Variants in TDRKH observed in about 807,000 individuals in gnomAD.
TDRKH encodes tudor and KH domain containing.
TDRKH carries 28 observed loss-of-function variants against 61.3 expected under a neutral mutation model. That is an observed-to-expected ratio of 0.46 (90% confidence interval 0.34 to 0.63). TDRKH has a LOEUF of 0.63. TDRKH is among the 20% of genes least tolerant of loss of function. TDRKH has a pLI of 0.01. For missense variants in TDRKH, 540 were observed against 683.4 expected (o/e 0.79, Z 2.34); for synonymous variants, 219 against 244.4 (o/e 0.90, Z 0.97).
rs962127753 is a variant in TDRKH at position 151,790,486 on chromosome 1, A to C, written c.-134T>G. The C allele has an allele frequency of 6.6e-6, 1 of 151,944 alleles. No homozygotes were observed. Among genetic ancestry groups the C allele is most frequent in the African/African-American group, 2.4e-5 (1 of 41,126 alleles). 9.4% of individuals were successfully genotyped at this position (151,944 alleles called of 1,614,324 possible). On this transcript the variant is annotated 5_prime_UTR_variant, in exon 1 of 13. Coordinates refer to ENST00000368824, the MANE Select transcript of TDRKH (RefSeq NM_001083965.2). Reference sequence around the variant, plus strand: ...ACCAGCGCCGCCGCCTCCCACTCACACCACCACAGTGAGCCCCGCCGGCGG... The same window carrying C: ...ACCAGCGCCGCCGCCTCCCACTCACCCCACCACAGTGAGCCCCGCCGGCGG...
downstream of TDRKH, chr1:151,767,836 C>CAGT: frequency 6.9e-6 from 4 of 583,570 alleles, no homozygotes; most frequent in South Asian, 9.5e-5. Flanking sequence ...AGTCAACAGG[C>CAGT]AGTAATACTG....
chr1:151,768,173 G>C (rs781042462), downstream of TDRKH: 9 of 1,614,004 alleles, frequency 5.6e-6, no homozygotes, highest in Non-Finnish European at 7.6e-6. Flanking sequence ...GGCCTTCTCT[G>C]TGACCGTCGA....
At chr1:151,771,923 C>A (rs1441914118), downstream of TDRKH, 2 of 398,448 alleles carry the variant, frequency 5.0e-6, no homozygotes, top group Admixed American at 4.4e-5. Flanking sequence ...AGGTTCCCTA[C>A]GGAACTCTGG....
At position 151,776,113 on chromosome 1, in the gene TDRKH, C is replaced by T; in HGVS notation, c.1200G>A (p.Lys400=). Residue 400 remains lysine (K), a synonymous_variant, in exon 8 of 13, where the codon AAG becomes AAA. Coordinates refer to ENST00000368824, the MANE Select transcript of TDRKH (RefSeq NM_001083965.2). ...DFGDNGDCPL[K]DLRALRSDFL... ...GCACTGACCTGAGAGCCCTGAGGTC[C>T]TTCAGTGGGCAATCTCCATTATCTC... 6.2e-7 allele frequency: 1 copy of T among 1,613,662 alleles called. No homozygotes were observed. The highest frequency in any genetic ancestry group is 1.1e-5 in the South Asian group (1 of 91,012).
At chr1:151,789,254 ATTGAG>A (rs1261380801) in intron 1 of TDRKH, among the ~76,000 whole-genome samples, 1 of 152,206 alleles carries the variant, frequency 6.6e-6, no homozygotes, top group African/African-American at 2.4e-5. Context: ...ATTTGTGCTA[ATTGAG>A]TTATCAGCTG....
At chr1:151,783,812 G>C (rs1184939518) in intron 1 of TDRKH, 1 of 152,152 alleles carries the variant, frequency 6.6e-6, no homozygotes, top group African/African-American at 2.4e-5. Context: ...CACATATGTG[G>C]GTTCAATTAC....
intron 3 of TDRKH, among the ~76,000 whole-genome samples, chr1:151,780,677 T>A (rs1571998493): frequency 6.6e-6 from 1 of 151,972 alleles, no homozygotes; most frequent in Non-Finnish European, 1.5e-5. Flanking sequence ...GGTGAAACCC[T>A]GTCTCTACAA....
intron 3 of TDRKH, among the ~76,000 whole-genome samples, chr1:151,781,030 T>C (rs1245892877): frequency 1.3e-5 from 2 of 151,424 alleles, no homozygotes; most frequent in African/African-American, 2.4e-5. Context: ...AAAATATACA[T>C]AGTGGTTGGG....
At position 151,776,189 on chromosome 1, in the gene TDRKH, A is replaced by G. The variant is rs748615235; in HGVS notation, c.1124T>C (p.Val375Ala). 2 of 1,614,108 alleles carry G rather than the reference A, an allele frequency of 1.2e-6. No individual in the cohort carries two copies. Among genetic ancestry groups the G allele is most frequent in the Non-Finnish European group, 1.7e-6 (2 of 1,180,016 alleles). ...PTNGSWYRARVLGTLENGNLD... is the reference protein window; with the variant it reads ...PTNGSWYRARALGTLENGNLD... ...GTTCCCATTCTCCAAGGTGCCGAGGACCCGGGCTCGATACCAGGAACCATT... is the reference window on the plus strand; with the variant it reads ...GTTCCCATTCTCCAAGGTGCCGAGGGCCCGGGCTCGATACCAGGAACCATT... The change falls in exon 8 of 13, where the codon GTC becomes GCC. Residue 375 changes from valine to alanine, a missense_variant. Val to Ala is a moderately conservative substitution (Grantham distance 64, BLOSUM62 0). Coordinates refer to ENST00000368824, the MANE Select transcript of TDRKH (RefSeq NM_001083965.2).
downstream of TDRKH, chr1:151,770,639 A>C (rs1378047475): frequency 4.0e-6 from 1 of 247,580 alleles, no homozygotes; most frequent in African/African-American, 2.3e-5. Flanking sequence ...CATATGTTAC[A>C]GAAACTATAG....
At chr1:151,785,090 C>T (rs954937448) in intron 1 of TDRKH, among the ~76,000 whole-genome samples, 2 of 152,090 alleles carry the variant, frequency 1.3e-5, no homozygotes, top group Admixed American at 1.3e-4. Context: ...TGCCACCATG[C>T]CCGGCTAATT....
rs763676270 is a variant in TDRKH, at chr1:151,774,822, C to T, written c.1537-16G>A. 2 of 1,611,034 alleles carry T rather than the reference C, an allele frequency of 1.2e-6. No individual in the cohort carries two copies. The highest frequency in any genetic ancestry group is 2.7e-5 in the African/African-American group (2 of 74,608). ...TTTCTGTGGCCTGAGTGGATGAAAA[C>T]AGGAAAAAAGGAGGAACATGTTGGC... On this transcript the variant is annotated splice_polypyrimidine_tract_variant and intron_variant, in intron 11 of 12. Transcript: ENST00000368824.
At chr1:151,776,338 GA>G (rs1649176606) in intron 7 of TDRKH, 70 bp from the exon 8 acceptor site, 1 of 1,593,758 alleles carries the variant, frequency 6.3e-7, no homozygotes, top group South Asian at 1.1e-5. Context: ...ATTGCAGGAG[GA>G]AGAAAGAAAA....
rs1240946827 is a variant in TDRKH at position 151,781,397 on chromosome 1, T to C, written c.231+84A>G. 10 of 1,017,682 alleles carry C rather than the reference T, an allele frequency of 9.8e-6. No homozygotes were observed. In the East Asian group the frequency reaches 2.5e-4, roughly 25 times the overall value. The allele number at this position is 1,017,682 out of a possible 1,614,324, so 63.0% of individuals were successfully genotyped here. A position where few individuals can be genotyped will look rare whatever the true frequency, so the allele number is the denominator to read the frequency against. On this transcript the variant is annotated intron_variant, in intron 3 of 12. Transcript: ENST00000368824. ...ACACACAGAGCATGTGAATGTTTTG[T>C]GATATGGGGTCAGTGGAAGGAAACA...
chr1:151,766,606 C>A, downstream of TDRKH: 29 of 1,200,758 alleles, frequency 2.4e-5, no homozygotes, highest in Non-Finnish European at 3.3e-5. Flanking sequence ...GACATAAGGG[C>A]TGACCCCTTA....
In TDRKH at chr1:151,773,502, A is replaced by C. The variant is rs1169387041; in HGVS notation, c.*950T>G. The C allele has an allele frequency of 6.6e-6, 1 of 152,610 alleles. No individual in the cohort carries two copies. The highest frequency in any genetic ancestry group is 6.5e-5 in the Admixed American group (1 of 15,290). The allele number at this position is 152,610 out of a possible 1,614,324, so 9.5% of individuals were successfully genotyped here. The stretch of plus-strand genomic sequence containing the variant: ...AATTTGGTTTTAGAAAATTTTCTTG[A>C]GAACTTTATTCAGCAAAAAAATCCT... On this transcript the variant is annotated 3_prime_UTR_variant, in exon 13 of 13. Coordinates refer to ENST00000368824, the MANE Select transcript of TDRKH (RefSeq NM_001083965.2).
chr1:151,774,783 G>A lies in TDRKH; in HGVS notation c.1560C>T (p.Leu520=). 1 of 1,614,192 alleles carries A rather than the reference G, an allele frequency of 6.2e-7. No homozygotes were observed. Among genetic ancestry groups the A allele is most frequent in the South Asian group, 1.1e-5 (1 of 91,084 alleles). The change falls in exon 12 of 13, where the codon CTC becomes CTT. Residue 520 remains leucine, a synonymous_variant. Coordinates refer to ENST00000368824, the MANE Select transcript of TDRKH (RefSeq NM_001083965.2). The part of the protein sequence containing the change: ...KDMATETDAS[L]STLLTETKKS... The stretch of plus-strand genomic sequence containing the variant: ...TTTTGGTCTCAGTGAGCAACGTGCT[G>A]AGAGAGGCATCTGTTTCTGTGGCCT...
Position 151,780,227 on chromosome 1 carries a change from G to T in TDRKH, c.232-87C>A, listed in dbSNP as rs1254378411. On this transcript the variant is annotated intron_variant, in intron 3 of 12. Transcript: ENST00000368824. ...AGACACTCTAAAACAAACCCTGGAG[G>T]TAGATAGAATTAGCCAAAGGAATTA... 8 of 1,426,134 alleles carry T rather than the reference G, an allele frequency of 5.6e-6. No individual in the cohort carries two copies. The African/African-American group carries it at 7.1e-5, about 13-fold the overall frequency. The allele number at this position is 1,426,134 out of a possible 1,614,324, so 88.3% of individuals were successfully genotyped here. A position where few individuals can be genotyped will look rare whatever the true frequency, so the allele number is the denominator to read the frequency against.
intron 1 of TDRKH, among the ~76,000 whole-genome samples, chr1:151,785,574 C>T (rs1234431810): frequency 1.3e-5 from 2 of 152,110 alleles, no homozygotes; most frequent in African/African-American, 4.8e-5. Flanking sequence ...TTTTATTTTA[C>T]AGTCATATAA....
Sources: gnomAD v4.1 joint callset for allele counts (sites outside exome capture counted in the v4.1 genomes callset) on GRCh38, gnomAD v4.1.1 for gene constraint, MANE v1.5 for transcripts, NCBI Gene and HGNC (gene_info 2026-07-23, HGNC 2026-07-21) for gene names.